The following COL25A1 variants were observed in gnomAD, a reference collection of about 807,000 sequenced individuals.
COL25A1 encodes the protein collagen type XXV alpha 1 chain.
In COL25A1, 103 loss-of-function variants were observed where a neutral mutation model predicts 128.4. That is an observed-to-expected ratio of 0.80 (90% CI 0.68 to 0.94). The LOEUF is 0.94. COL25A1 is among the 40% of genes least tolerant of loss of function. The pLI, the probability that COL25A1 is intolerant of heterozygous loss-of-function variation, is 0.00. For synonymous variants in COL25A1, 279 were observed against 277.2 expected, an observed-to-expected ratio of 1.01 and a Z score of -0.06; for missense variants, 745 against 840.0, an observed-to-expected ratio of 0.89 and a Z score of 1.40.
At chr4:109,142,984 A>C (rs1028905636) in intron 3 of COL25A1, among the ~76,000 whole-genome samples, 2 of 152,120 alleles carry the variant, frequency 1.3e-5, no homozygotes, top group African/African-American at 4.8e-5. Flanking sequence ...CCATTAGTTG[A>C]TGCAGTTTCT....
chr4:109,277,349 C>G (rs1394033466), intron 3 of COL25A1, among the ~76,000 whole-genome samples: 1 of 152,102 alleles, frequency 6.6e-6, no homozygotes, highest in Admixed American at 6.5e-5. Context: ...TAATTTAGAG[C>G]TTTTGTTAAA....
intron 18 of COL25A1, among the ~76,000 whole-genome samples, chr4:108,888,891 A>T (rs72668353): frequency 0.17 from 25,522 of 152,182 alleles, 2,468 homozygotes; most frequent in Non-Finnish European, 0.22. Flanking sequence ...AAAGTTATTT[A>T]AAAAAAGATA....
intron 3 of COL25A1, among the ~76,000 whole-genome samples, chr4:109,261,677 T>A (rs565410829): frequency 1.5e-4 from 23 of 151,660 alleles, no homozygotes; most frequent in African/African-American, 5.3e-4. Flanking sequence ...GCAAGTAATA[T>A]TTTGATATAC....
chr4:108,936,800 A>AATATATAT (rs138668509), intron 11 of COL25A1, among the ~76,000 whole-genome samples: 13,756 of 134,388 alleles, frequency 0.1, 966 homozygotes, highest in East Asian at 0.34. Context: ...CTGTTTCTTA[A>AATATATAT]ATATATATAT....
intron 5 of COL25A1, among the ~76,000 whole-genome samples, chr4:109,029,725 A>G (rs560888972): frequency 9.3e-4 from 141 of 152,294 alleles, no homozygotes; most frequent in Middle Eastern, 3.4e-3. Context: ...AGAAGGAACT[A>G]CTATGTAAAA....
chr4:109,204,185 T>C (rs1235792150), intron 3 of COL25A1, among the ~76,000 whole-genome samples: 1 of 152,190 alleles, frequency 6.6e-6, no homozygotes, highest in Non-Finnish European at 1.5e-5. Flanking sequence ...AACACTCTTT[T>C]ATCATAATCA....
At chr4:108,928,795 C>T (rs1421715175) in intron 11 of COL25A1, among the ~76,000 whole-genome samples, 1 of 152,080 alleles carries the variant, frequency 6.6e-6, no homozygotes, top group Non-Finnish European at 1.5e-5. Context: ...GTGATCCACC[C>T]ACTTCGGCCT....
chr4:109,220,934 A>C (rs977217549), intron 3 of COL25A1, among the ~76,000 whole-genome samples: 7 of 152,096 alleles, frequency 4.6e-5, no homozygotes, highest in Admixed American at 3.9e-4. Flanking sequence ...TTTTCCAGAA[A>C]ATTTTATGGG....
chr4:108,866,184 C>T lies in COL25A1; in HGVS notation c.1084-2797G>A, dbSNP rs532049118. Among the ~76,000 whole-genome samples the T allele has an allele frequency of 2.7e-5, 4 of 145,938 alleles. No homozygotes were observed. In the East Asian group the frequency reaches 8.6e-4, roughly 31 times the overall value. ...TTCTAAAATATTCTGACTATAGTCC[C>T]ATTTCTTTTCTTTCTTTTTTTTTTT... is the stretch of plus-strand genomic sequence containing the variant. On this transcript the variant is annotated intron_variant, in intron 20 of 37. Transcript: ENST00000399132.
chr4:109,121,770 T>A (rs924423333), intron 3 of COL25A1, among the ~76,000 whole-genome samples: 6 of 152,116 alleles, frequency 3.9e-5, no homozygotes, highest in Non-Finnish European at 7.4e-5. Context: ...TAATGCTCCT[T>A]GATATTTACC....
intron 35 of COL25A1, among the ~76,000 whole-genome samples, chr4:108,822,304 A>G (rs1472910220): frequency 1.3e-5 from 2 of 152,090 alleles, no homozygotes; most frequent in East Asian, 3.9e-4. Flanking sequence ...TCGGCCTCCC[A>G]AAGTGTTGGG....
At position 108,845,378 on chromosome 4, in the gene COL25A1, G is replaced by C. The variant is rs926728384; in HGVS notation, c.1516-127C>G. The C allele has an allele frequency of 4.1e-5, 30 of 724,678 alleles. No individual in the cohort carries two copies. The South Asian group carries it at 5.1e-4, about 12-fold the overall frequency. The allele number at this position is 724,678 out of a possible 1,614,324, so 44.9% of individuals were successfully genotyped here. A position where few individuals can be genotyped will look rare whatever the true frequency, so the allele number is the denominator to read the frequency against. On this transcript the variant is annotated intron_variant, in intron 28 of 37. Transcript: ENST00000399132. ...AATATTATGCACTTGCTACATAAAAGAAGGATTTATCTCCTTGAATTCTAG... is the reference window on the plus strand; with the variant it reads ...AATATTATGCACTTGCTACATAAAACAAGGATTTATCTCCTTGAATTCTAG...
intron 3 of COL25A1, among the ~76,000 whole-genome samples, chr4:109,283,011 G>A (rs546577650): frequency 1.3e-5 from 2 of 152,144 alleles, no homozygotes; most frequent in African/African-American, 2.4e-5. Context: ...TATTTTTAAG[G>A]AAAGAAAAAT....
chr4:109,129,823 G>A (rs537241427), intron 3 of COL25A1, among the ~76,000 whole-genome samples: 88 of 152,196 alleles, frequency 5.8e-4, no homozygotes, highest in African/African-American at 1.9e-3. Flanking sequence ...ATAAGCCCTT[G>A]AAGGAAAGTC....
intron 3 of COL25A1, among the ~76,000 whole-genome samples, chr4:109,132,465 G>C (rs1307149507): frequency 6.6e-6 from 1 of 151,886 alleles, no homozygotes; most frequent in East Asian, 1.9e-4. Context: ...CTTTAATCCT[G>C]ACAATATATA....
chr4:108,956,500 G>A (rs1750087998), intron 8 of COL25A1, among the ~76,000 whole-genome samples: 2 of 152,202 alleles, frequency 1.3e-5, no homozygotes, highest in African/African-American at 4.8e-5. Context: ...CCACCTCCCA[G>A]GTTCAAGTGA....
At chr4:108,866,389 C>T (rs1181810261) in intron 20 of COL25A1, among the ~76,000 whole-genome samples, 3 of 151,938 alleles carry the variant, frequency 2.0e-5, no homozygotes, top group African/African-American at 7.3e-5. Context: ...GATGGGGTCT[C>T]ATCATGTTGC....
chr4:108,825,657 G>C (rs751399725), intron 33 of COL25A1, among the ~76,000 whole-genome samples: 2 of 152,118 alleles, frequency 1.3e-5, no homozygotes, highest in Non-Finnish European at 2.9e-5. Flanking sequence ...ATACTGTTTA[G>C]CTGATTTAAA....
At chr4:108,822,925 A>G (rs137910653) in intron 35 of COL25A1, among the ~76,000 whole-genome samples, 7 of 152,318 alleles carry the variant, frequency 4.6e-5, no homozygotes, top group South Asian at 2.1e-4. Flanking sequence ...TATCATATGT[A>G]TAGCTCTTGG....
Sources: allele counts gnomAD v4.1 joint callset (sites outside exome capture counted in the v4.1 genomes callset), GRCh38; gene constraint gnomAD v4.1.1; transcripts MANE v1.5; gene names NCBI Gene and HGNC (gene_info 2026-07-23, HGNC 2026-07-21).